CNTN5: variants seen among roughly 807,000 people sequenced by gnomAD.
The protein encoded by CNTN5 is contactin 5.
A neutral mutation model predicts 129.1 loss-of-function variants in CNTN5; 77 were observed. The ratio of observed to expected loss-of-function variants is 0.60; its 90% CI spans 0.50 to 0.72. The LOEUF is 0.72. Ranked by LOEUF, CNTN5 falls within the 30% of genes least tolerant of loss-of-function variation. The pLI is 0.00. For missense variants in CNTN5, 1,478 were observed against 1,328.8 expected (o/e 1.11, Z -1.75); for synonymous variants, 509 against 465.6 (o/e 1.09, Z -1.20).
At chr11:100,049,603 C>T (rs543315143) in intron 9 of CNTN5, among the ~76,000 whole-genome samples, 8 of 152,140 alleles carry the variant, frequency 5.3e-5, no homozygotes, top group Admixed American at 2.6e-4. Context: ...GCAACGGCAA[C>T]AAAAGCCAGA....
intron 9 of CNTN5, among the ~76,000 whole-genome samples, chr11:100,037,189 T>C (rs897048531): frequency 7.0e-5 from 10 of 142,666 alleles, no homozygotes; most frequent in African/African-American, 2.7e-4. Context: ...GGTTGTTGAA[T>C]TTTGTCAAAG....
rs1449020461 is a variant in CNTN5, at chr11:100,074,858, G to A, written c.1580+564G>A. On this transcript the variant is annotated intron_variant, in intron 13 of 24. Coordinates refer to ENST00000524871, the MANE Select transcript of CNTN5 (RefSeq NM_014361.4). ...TTGTCTTTGGCAACTAAAGCCAAAGGATATCACAGGAGTACAAATGGAGAA... is the reference window on the plus strand; with the variant it reads ...TTGTCTTTGGCAACTAAAGCCAAAGAATATCACAGGAGTACAAATGGAGAA... Among the ~76,000 whole-genome samples the A allele has an allele frequency of 2.6e-5, 4 of 151,392 alleles. No homozygotes were observed. In the Admixed American group the frequency reaches 2.6e-4, roughly 10 times the overall value.
intron 3 of CNTN5, among the ~76,000 whole-genome samples, chr11:99,794,138 G>A (rs1271132901): frequency 2.0e-5 from 3 of 148,298 alleles, no homozygotes; most frequent in South Asian, 2.1e-4. Flanking sequence ...AGGTCTTTTT[G>A]TTGAATTGAA....
chr11:99,730,041 T>G (rs1243061890), intron 3 of CNTN5, among the ~76,000 whole-genome samples: 4 of 152,160 alleles, frequency 2.6e-5, no homozygotes, highest in African/African-American at 9.7e-5. Flanking sequence ...ACCCTGCACA[T>G]GTATCCCAGA....
chr11:99,337,541 A>G (rs1321798944), intron 2 of CNTN5, among the ~76,000 whole-genome samples: 4 of 152,236 alleles, frequency 2.6e-5, no homozygotes, highest in African/African-American at 9.6e-5. Flanking sequence ...TTGCGGCTTA[A>G]GAATGACTTT....
chr11:99,035,455 T>A (rs2135112359), intron 1 of CNTN5, among the ~76,000 whole-genome samples: 1 of 152,146 alleles, frequency 6.6e-6, no homozygotes, highest in East Asian at 1.9e-4. Context: ...TGGGTGCTCC[T>A]GTATTGGGTG....
chr11:99,780,071 A>G (rs1440268221), intron 3 of CNTN5, among the ~76,000 whole-genome samples: 1 of 151,980 alleles, frequency 6.6e-6, no homozygotes, highest in East Asian at 2.0e-4. Context: ...TTATATAGAG[A>G]CTGTCATGAT....
chr11:99,845,415 C>G (rs1012994546), intron 6 of CNTN5, among the ~76,000 whole-genome samples, 153 bp downstream of exon 6: 2 of 141,014 alleles, frequency 1.4e-5, no homozygotes, highest in Non-Finnish European at 3.0e-5. Context: ...CTCTGTCGCC[C>G]AGGCTGGAGT....
chr11:99,224,860 A>T (rs781225049), intron 1 of CNTN5, among the ~76,000 whole-genome samples: 2 of 151,896 alleles, frequency 1.3e-5, no homozygotes, highest in Non-Finnish European at 2.9e-5. Context: ...TGGGTCTGGG[A>T]TGATTCCCAT....
At chr11:99,661,669 C>T (rs1011335656) in intron 3 of CNTN5, among the ~76,000 whole-genome samples, 3 of 151,650 alleles carry the variant, frequency 2.0e-5, no homozygotes, top group South Asian at 2.1e-4. Context: ...CATTTGTTTG[C>T]GTTCACATCA....
intron 3 of CNTN5, among the ~76,000 whole-genome samples, chr11:99,751,880 G>A (rs1944248144): frequency 6.6e-6 from 1 of 152,110 alleles, no homozygotes; most frequent in Non-Finnish European, 1.5e-5. Context: ...TATAAAAGAG[G>A]CTTCACATAG....
intron 16 of CNTN5, among the ~76,000 whole-genome samples, chr11:100,226,195 A>C (rs1949372608): frequency 6.6e-6 from 1 of 152,170 alleles, no homozygotes; most frequent in South Asian, 2.1e-4. Flanking sequence ...AAGTTACAAG[A>C]CTCATGGAAC....
At chr11:99,775,820 A>C (rs998478196) in intron 3 of CNTN5, among the ~76,000 whole-genome samples, 5 of 151,928 alleles carry the variant, frequency 3.3e-5, no homozygotes, top group African/African-American at 4.8e-5. Context: ...AAGTATTTTT[A>C]CGTTAGCGTT....
intron 3 of CNTN5, among the ~76,000 whole-genome samples, chr11:99,639,722 G>A (rs892337189): frequency 5.9e-5 from 9 of 151,966 alleles, no homozygotes; most frequent in African/African-American, 1.9e-4. Context: ...GAGCCACTAC[G>A]CCCAGCTAAT....
intron 18 of CNTN5, among the ~76,000 whole-genome samples, chr11:100,283,936 A>G (rs1047822744): frequency 6.6e-6 from 1 of 151,940 alleles, no homozygotes; most frequent in African/African-American, 2.4e-5. Flanking sequence ...ACATAGCGAG[A>G]CTCTGTCTCA....
chr11:99,169,978 T>C (rs1861066507), intron 1 of CNTN5, among the ~76,000 whole-genome samples: 1 of 152,118 alleles, frequency 6.6e-6, no homozygotes, highest in South Asian at 2.1e-4. Flanking sequence ...AAATTAATAG[T>C]CAATGGGAAT....
intron 4 of CNTN5, among the ~76,000 whole-genome samples, chr11:99,825,420 T>C (rs571434106): frequency 6.6e-6 from 1 of 152,158 alleles, no homozygotes; most frequent in South Asian, 2.1e-4. Flanking sequence ...ATGCGTCCTT[T>C]AGTGTTTTCT....
chr11:99,555,090 T>C (rs1312369799), intron 2 of CNTN5, among the ~76,000 whole-genome samples: 3 of 152,006 alleles, frequency 2.0e-5, no homozygotes, highest in Admixed American at 6.6e-5. Context: ...TTCATTTAGG[T>C]AGAGGTACTA....
At chr11:99,609,618 T>G (rs904071691) in intron 3 of CNTN5, among the ~76,000 whole-genome samples, 1 of 152,126 alleles carries the variant, frequency 6.6e-6, no homozygotes, top group Non-Finnish European at 1.5e-5. Context: ...TTCTGGCTGA[T>G]GAAGCAGGTT....
Sources: allele counts gnomAD v4.1 joint callset (sites outside exome capture counted in the v4.1 genomes callset), GRCh38; gene constraint gnomAD v4.1.1; transcripts MANE v1.5; gene names NCBI Gene and HGNC (gene_info 2026-07-23, HGNC 2026-07-21).